Variants in HSP90AA1 observed in about 807,000 individuals in gnomAD.
HSP90AA1 encodes the protein heat shock protein 90 alpha family class A member 1, also known as heat shock protein HSP 90-alpha.
HSP90AA1 carries 18 observed loss-of-function variants against 73.3 expected under a neutral mutation model. That is an observed-to-expected ratio of 0.25 (90% confidence interval 0.17 to 0.36). HSP90AA1 has a LOEUF of 0.36. HSP90AA1 is among the 10% of genes least tolerant of loss of function. The probability of loss-of-function intolerance (pLI) is 1.00; values close to 1 mark genes in which losing one functional copy is unlikely to be tolerated. For synonymous variants in HSP90AA1, 477 were observed against 296.9 expected (o/e 1.61, Z -6.24); for missense variants, 704 against 874.2 (o/e 0.81, Z 2.45).
chr14:102,094,942 G>T (rs1358435459), intron 2 of HSP90AA1, among the ~76,000 whole-genome samples: 1 of 152,138 alleles, frequency 6.6e-6, no homozygotes, highest in Non-Finnish European at 1.5e-5. Flanking sequence ...GAGAGGTCAG[G>T]GGAGCGAGTT....
intron 1 of HSP90AA1, among the ~76,000 whole-genome samples, chr14:102,135,373 CAG>C (rs1455238075): frequency 6.6e-6 from 1 of 152,236 alleles, no homozygotes; most frequent in Non-Finnish European, 1.5e-5. Flanking sequence ...TAGCTAGATA[CAG>C]AGTGTGGATT....
At chr14:102,107,818 G>A (rs1595671531) in intron 1 of HSP90AA1, among the ~76,000 whole-genome samples, 1 of 151,976 alleles carries the variant, frequency 6.6e-6, no homozygotes, top group South Asian at 2.1e-4. Context: ...CAGACCCAAG[G>A]GAAGTTCTGA....
rs765812914 is a variant in HSP90AA1 at position 102,085,811 on chromosome 14, T to G, written c.476A>C (p.Gln159Pro). The G allele has an allele frequency of 1.2e-6, 2 of 1,613,874 alleles. No individual in the cohort carries two copies. The highest frequency in any genetic ancestry group is 2.7e-5 in the African/African-American group (2 of 74,914). Residue 159 changes from glutamine to proline, a missense_variant, in exon 3 of 11, where the codon CAG becomes CCG. Gln to Pro is a moderately conservative substitution (Grantham distance 76). Transcript: ENST00000216281. Reference sequence around the variant, plus strand: ...CCCTGCTGAGGACTCCCAAGCGTACTGCTCATCATCGTTATGTTTGGTGAT... The same window carrying G: ...CCCTGCTGAGGACTCCCAAGCGTACGGCTCATCATCGTTATGTTTGGTGAT... ...TVITKHNDDE[Q>P]YAWESSAGGS...
upstream of HSP90AA1, among the ~76,000 whole-genome samples, chr14:102,087,378 C>T (rs1566722495): frequency 6.6e-6 from 1 of 151,592 alleles, no homozygotes; most frequent in Non-Finnish European, 1.5e-5. Flanking sequence ...CCGCCCTGCA[C>T]CCCCACCTGC....
chr14:102,101,757 A>C (rs2049495950), intron 2 of HSP90AA1: 1 of 821,298 alleles, frequency 1.2e-6, no homozygotes, highest in African/African-American at 1.7e-5. Context: ...GGGAATAAAC[A>C]ATAAAGAGAG....
intron 1 of HSP90AA1, among the ~76,000 whole-genome samples, chr14:102,118,871 T>G (rs1189055729): frequency 2.9e-5 from 3 of 104,994 alleles, no homozygotes. Flanking sequence ...TTTTTTTTTT[T>G]GAGACAAAGT....
In HSP90AA1 at chr14:102,086,079, A is replaced by G. The variant is rs778787987; in HGVS notation, c.208T>C (p.Leu70=). ...RYESLTDPSK[L]DSGKELHINL... ...ATATGCAGCTCTTTCCCAGAGTCTA[A>G]TTTACTGGGATCTGTCAAGCTTTCA... Residue 70 remains leucine, a synonymous_variant, in exon 3 of 11, where the codon TTA becomes CTA. Coordinates refer to ENST00000216281, the MANE Select transcript of HSP90AA1 (RefSeq NM_005348.4). 1.2e-6 allele frequency: 2 copies of G among 1,613,924 alleles called. No individual in the cohort carries two copies. Among genetic ancestry groups the G allele is most frequent in the Admixed American group, 3.3e-5 (2 of 60,006 alleles).
intron 6 of HSP90AA1, chr14:102,084,186 G>A (rs2049165990): frequency 7.5e-6 from 5 of 669,770 alleles, no homozygotes; most frequent in Non-Finnish European, 1.3e-5. Flanking sequence ...CTGTTTTCAT[G>A]CCTCAGCCTG....
chr14:102,095,357 G>A (rs1228442803), intron 2 of HSP90AA1, among the ~76,000 whole-genome samples: 7 of 152,044 alleles, frequency 4.6e-5, no homozygotes, highest in African/African-American at 1.2e-4. Context: ...GAGGGGTGGC[G>A]GGACTCTTTC....
Position 102,087,014 on chromosome 14 carries a change from GGCACA to G in HSP90AA1, c.-34_-30del. ...GGCTAAGTGACCGCACAGGACCAACGGCACAGCCACACCGGGACGCTGAAGCAACT... is the reference window on the plus strand; with the variant it reads ...GGCTAAGTGACCGCACAGGACCAACGGCCACACCGGGACGCTGAAGCAACT... On this transcript the variant is annotated 5_prime_UTR_variant, in exon 1 of 11. Coordinates refer to ENST00000216281, the MANE Select transcript of HSP90AA1 (RefSeq NM_005348.4). 1 of 985,230 alleles carries G rather than the reference GGCACA, an allele frequency of 1.0e-6. No homozygotes were observed. 61.0% of individuals were successfully genotyped at this position (985,230 alleles called of 1,614,324 possible). A position where few individuals can be genotyped will look rare whatever the true frequency, so the allele number is the denominator to read the frequency against.
At chr14:102,112,626 A>G (rs908311909) in intron 1 of HSP90AA1, among the ~76,000 whole-genome samples, 6 of 152,090 alleles carry the variant, frequency 3.9e-5, no homozygotes, top group Non-Finnish European at 5.9e-5. Context: ...CTGGAGGCAC[A>G]CACCACCATG....
At chr14:102,085,032 G>A (rs1238004243) in intron 4 of HSP90AA1, 34 bp from the exon 5 acceptor site, 1 of 1,613,704 alleles carries the variant, frequency 6.2e-7, no homozygotes. Flanking sequence ...CATCACTGCT[G>A]CACTCCAGAA....
intron 1 of HSP90AA1, among the ~76,000 whole-genome samples, chr14:102,127,111 A>C (rs1190598): frequency 0.93 from 140,930 of 151,662 alleles, 65,512 homozygotes; most frequent in East Asian, 1. Flanking sequence ...ATAAGTAACA[A>C]GTTAATTTTT....
Position 102,083,046 on chromosome 14 carries a change from T to C in HSP90AA1, c.1743A>G (p.Lys581=), listed in dbSNP as rs764043098. 4.3e-6 allele frequency: 7 copies of C among 1,613,982 alleles called. No homozygotes were observed. In the South Asian group the frequency reaches 6.6e-5, roughly 15 times the overall value. ...TGTATTCACATACCTTTTCAACTTT[T>C]TTCTCCAATATGTCTTTCATGATTT... The part of the protein sequence containing the change: ...LCKIMKDILE[K]KVEKVVVSNR... The change falls in exon 9 of 11, where the codon AAA becomes AAG. Residue 581 remains lysine (K), a synonymous_variant. Coordinates refer to ENST00000216281, the MANE Select transcript of HSP90AA1 (RefSeq NM_005348.4).
Position 102,109,377 on chromosome 14 carries a change from G to A in HSP90AA1, c.156-7292C>T, listed in dbSNP as rs180872063. 1.1e-4 allele frequency among the ~76,000 whole-genome samples: 17 copies of A among 152,272 alleles called. No homozygotes were observed. The East Asian group carries it at 3.1e-3, about 28-fold the overall frequency. On this transcript the variant is annotated intron_variant, in intron 1 of 11. Coordinates refer to the HSP90AA1 transcript ENST00000334701. ...AACTCCCACAATTCCTACATGTTGT[G>A]GGAGGGAGCTGGTGGGAGGTAACCG...
At chr14:102,132,685 G>T (rs572309642) in intron 1 of HSP90AA1, among the ~76,000 whole-genome samples, 3 of 152,188 alleles carry the variant, frequency 2.0e-5, no homozygotes, top group Non-Finnish European at 4.4e-5. Context: ...GGGGCTGGGC[G>T]TGGTGGCTCA....
At chr14:102,113,720 G>T (rs2049671778) in intron 1 of HSP90AA1, among the ~76,000 whole-genome samples, 1 of 151,174 alleles carries the variant, frequency 6.6e-6, no homozygotes, top group Admixed American at 6.6e-5. Context: ...TTATTTATTT[G>T]TTTATTTTGA....
rs2049084131 is a variant in HSP90AA1, at chr14:102,080,936, G to C, written c.*776C>G. ...TGCTGGGAAGACCATGTCAACCCTT[G>C]GAGCAGCTAGTGTTTAACCATCTCC... On this transcript the variant is annotated 3_prime_UTR_variant, in exon 11 of 11. Coordinates refer to ENST00000216281, the MANE Select transcript of HSP90AA1 (RefSeq NM_005348.4). 4.4e-6 allele frequency: 1 copy of C among 228,028 alleles called. No individual in the cohort carries two copies. The highest frequency in any genetic ancestry group is 8.7e-6 in the Non-Finnish European group (1 of 114,888). The allele number at this position is 228,028 out of a possible 1,614,324, so 14.1% of individuals were successfully genotyped here. A position where few individuals can be genotyped will look rare whatever the true frequency, so the allele number is the denominator to read the frequency against.
At chr14:102,118,042 T>C (rs1405773543) in intron 1 of HSP90AA1, among the ~76,000 whole-genome samples, 1 of 152,182 alleles carries the variant, frequency 6.6e-6, no homozygotes, top group East Asian at 1.9e-4. Context: ...CATGTCTGAC[T>C]GCACAGTGGC....
Sources: gnomAD v4.1 joint callset for allele counts (sites outside exome capture counted in the v4.1 genomes callset) on GRCh38, gnomAD v4.1.1 for gene constraint, MANE v1.5 for transcripts, NCBI Gene and HGNC (gene_info 2026-07-23, HGNC 2026-07-21) for gene names.